The following OR1J2 variants were observed in gnomAD, a reference collection of about 807,000 sequenced individuals.
OR1J2 encodes the protein olfactory receptor 1J2.
For synonymous variants in OR1J2, 142 were observed against 99.7 expected (o/e 1.42, Z -2.52); for missense variants, 304 against 246.1 (o/e 1.24, Z -1.57).
the OR1J2 span, among the ~76,000 whole-genome samples, chr9:122,544,754 C>T: frequency 6.6e-6 from 1 of 152,166 alleles, no homozygotes; most frequent in Non-Finnish European, 1.5e-5. Flanking sequence ...TCTTTCTTTT[C>T]TCTTGATCCA....
At chr9:122,553,299 C>A in the OR1J2 span, 1 of 1,614,066 alleles carries the variant, frequency 6.2e-7, no homozygotes. Context: ...GCAGCCTCTT[C>A]TGTTTGGCAT....
chr9:122,462,372 G>A, the OR1J2 span, among the ~76,000 whole-genome samples: 1 of 152,100 alleles, frequency 6.6e-6, no homozygotes, highest in Non-Finnish European at 1.5e-5. Context: ...TATCCGTTCT[G>A]CCATTCTGTA....
chr9:122,534,450 A>G, the OR1J2 span, among the ~76,000 whole-genome samples: 1 of 152,170 alleles, frequency 6.6e-6, no homozygotes, highest in Non-Finnish European at 1.5e-5. Context: ...CCTAAATGCT[A>G]TCTGATTTGG....
the OR1J2 span, among the ~76,000 whole-genome samples, chr9:122,527,623 G>A: frequency 2.7e-4 from 41 of 152,182 alleles, no homozygotes; most frequent in African/African-American, 9.2e-4. Context: ...AGTAGACTGA[G>A]GTCAGCTAAA....
chr9:122,576,261 A>G, the OR1J2 span, among the ~76,000 whole-genome samples: 1 of 151,878 alleles, frequency 6.6e-6, no homozygotes, highest in South Asian at 2.1e-4. Context: ...TTGCTCTGTC[A>G]CCCAGACTGG....
chr9:122,568,241 G>C, the OR1J2 span: 1 of 1,614,046 alleles, frequency 6.2e-7, no homozygotes, highest in Non-Finnish European at 8.5e-7. Context: ...GCATCTTGGG[G>C]ACAACGCTTG....
chr9:122,521,761 G>C, the OR1J2 span, among the ~76,000 whole-genome samples: 1 of 152,184 alleles, frequency 6.6e-6, no homozygotes, highest in South Asian at 2.1e-4. Flanking sequence ...GTAGAACTAA[G>C]TGCCTGACTC....
At chr9:122,570,582 C>T in the OR1J2 span, among the ~76,000 whole-genome samples, 1 of 152,172 alleles carries the variant, frequency 6.6e-6, no homozygotes, top group East Asian at 1.9e-4. Flanking sequence ...ATTTGAAAGA[C>T]TTAAAAGAGG....
the OR1J2 span, among the ~76,000 whole-genome samples, chr9:122,560,735 C>G: frequency 6.6e-6 from 1 of 152,124 alleles, no homozygotes; most frequent in Non-Finnish European, 1.5e-5. Flanking sequence ...GGTGACCAAG[C>G]CTTTCTGTCT....
At chr9:122,563,851 C>G in the OR1J2 span, among the ~76,000 whole-genome samples, 1 of 144,570 alleles carries the variant, frequency 6.9e-6, no homozygotes, top group Non-Finnish European at 1.5e-5. Flanking sequence ...TTTATAACAT[C>G]ATATATTGAA....
chr9:122,567,951 T>C, the OR1J2 span: 1 of 1,613,860 alleles, frequency 6.2e-7, no homozygotes, highest in Non-Finnish European at 8.5e-7. Context: ...GAGAAAGTGG[T>C]GGATAACATT....
chr9:122,535,961 G>A, the OR1J2 span, among the ~76,000 whole-genome samples: 1 of 152,144 alleles, frequency 6.6e-6, no homozygotes, highest in Non-Finnish European at 1.5e-5. Context: ...CAGTAGGGGA[G>A]CTTTTGAGCC....
the OR1J2 span, among the ~76,000 whole-genome samples, chr9:122,471,954 C>G: frequency 5.9e-5 from 9 of 152,300 alleles, no homozygotes; most frequent in African/African-American, 1.9e-4. Context: ...ATAACTTAAG[C>G]CACTGGGCTA....
At chr9:122,546,951 G>A in the OR1J2 span, among the ~76,000 whole-genome samples, 1 of 151,852 alleles carries the variant, frequency 6.6e-6, no homozygotes, top group Admixed American at 6.6e-5. Context: ...CTTTCTGTTG[G>A]GAATGCTCAG....
chr9:122,458,936 C>A, the OR1J2 span, among the ~76,000 whole-genome samples: 1 of 150,214 alleles, frequency 6.7e-6, no homozygotes, highest in Non-Finnish European at 1.5e-5. Context: ...ATTTTTCATT[C>A]TTATTTCTAA....
downstream of OR1J2, among the ~76,000 whole-genome samples, chr9:122,512,159 T>C (rs1025204979): frequency 6.6e-6 from 1 of 152,226 alleles, no homozygotes; most frequent in African/African-American, 2.4e-5. Context: ...ATTAGTGAAG[T>C]AGTGCTTCAT....
At chr9:122,489,146 G>A in the OR1J2 span, among the ~76,000 whole-genome samples, 1 of 152,058 alleles carries the variant, frequency 6.6e-6, no homozygotes, top group African/African-American at 2.4e-5. Flanking sequence ...TGTAATGAAG[G>A]TAAGAGCCGA....
the OR1J2 span, among the ~76,000 whole-genome samples, chr9:122,504,057 T>C: frequency 5.9e-5 from 9 of 152,338 alleles, no homozygotes; most frequent in East Asian, 1.7e-3. Flanking sequence ...TTAGATGATC[T>C]GGGGGCCCAG....
the OR1J2 span, among the ~76,000 whole-genome samples, chr9:122,501,643 T>G: frequency 6.6e-6 from 1 of 152,158 alleles, no homozygotes; most frequent in Non-Finnish European, 1.5e-5. Flanking sequence ...TAGACTTTAG[T>G]GTTGGGCACA....
Sources: gnomAD v4.1 joint callset for allele counts (sites outside exome capture counted in the v4.1 genomes callset) on GRCh38, gnomAD v4.1.1 for gene constraint, MANE v1.5 for transcripts, NCBI Gene and HGNC (gene_info 2026-07-23, HGNC 2026-07-21) for gene names.